The following SH3RF3 variants were observed in gnomAD, a reference collection of about 807,000 sequenced individuals.
The protein encoded by SH3RF3 is SH3 domain containing ring finger 3, also known as E3 ubiquitin-protein ligase SH3RF3.
SH3RF3 carries 29 observed loss-of-function variants against 66.3 expected under a neutral mutation model. That is an observed-to-expected ratio of 0.44 (90% CI 0.33 to 0.60). The LOEUF is 0.60. SH3RF3 is among the 20% of genes least tolerant of loss of function. The pLI, the probability that SH3RF3 is intolerant of heterozygous loss-of-function variation, is 0.04. For synonymous variants in SH3RF3, 583 were observed against 532.0 expected, an observed-to-expected ratio of 1.10 and a Z score of -1.32; for missense variants, 1,194 against 1,190.9, an observed-to-expected ratio of 1.00 and a Z score of -0.04.
In SH3RF3 at chr2:109,129,927, C is replaced by G. The variant is rs1355644941; in HGVS notation, c.387C>G (p.Thr129=). 1.3e-6 allele frequency: 2 copies of G among 1,490,898 alleles called. No individual in the cohort carries two copies. The highest frequency in any genetic ancestry group is 2.5e-5 in the South Asian group (2 of 78,816). The allele number at this position is 1,490,898 out of a possible 1,614,324, so 92.4% of individuals were successfully genotyped here. The change falls in exon 1 of 10, where the codon ACC becomes ACG. Residue 129 remains threonine, a synonymous_variant. Transcript: ENST00000309415. ...TCCGTCAGCGGCCCCGCGCGGGCACCAGCCCCGGCGGCAGCCCGCCCGCGC... is the reference window on the plus strand; with the variant it reads ...TCCGTCAGCGGCCCCGCGCGGGCACGAGCCCCGGCGGCAGCCCGCCCGCGC... ...DGIRQRPRAG[T]SPGGSPPARP... is the part of the protein sequence containing the mutation.
intron 1 of SH3RF3, among the ~76,000 whole-genome samples, chr2:109,225,816 A>T (rs985846826): frequency 2.9e-4 from 44 of 152,236 alleles, no homozygotes; most frequent in African/African-American, 8.9e-4. Context: ...CCCGGGCTGC[A>T]CTGCAGAAGT....
At chr2:109,356,322 T>C (rs1454078875) in intron 2 of SH3RF3, among the ~76,000 whole-genome samples, 2 of 152,112 alleles carry the variant, frequency 1.3e-5, no homozygotes, top group Admixed American at 6.5e-5. Context: ...CACATTGATA[T>C]TTGAGCCAGA....
chr2:109,293,168 C>T (rs529630506), intron 1 of SH3RF3, among the ~76,000 whole-genome samples: 124 of 152,352 alleles, frequency 8.1e-4, no homozygotes, highest in Middle Eastern at 3.4e-3. Flanking sequence ...CAGGCAGTGC[C>T]CTGGGCCTCC....
chr2:109,446,428 C>T (rs1677707114), intron 7 of SH3RF3, among the ~76,000 whole-genome samples: 1 of 152,206 alleles, frequency 6.6e-6, no homozygotes, highest in South Asian at 2.1e-4. Flanking sequence ...AATAATCAGC[C>T]TCCAGCGAAC....
intron 8 of SH3RF3, among the ~76,000 whole-genome samples, chr2:109,482,569 C>T (rs1678862593): frequency 6.6e-6 from 1 of 152,188 alleles, no homozygotes; most frequent in South Asian, 2.1e-4. Context: ...ACTCCCGCGC[C>T]CAGCCCGGGG....
At chr2:109,388,252 T>C (rs965653712) in intron 3 of SH3RF3, among the ~76,000 whole-genome samples, 2 of 152,242 alleles carry the variant, frequency 1.3e-5, no homozygotes, top group Non-Finnish European at 2.9e-5. Flanking sequence ...CAGCCAAGCC[T>C]TTCTCTAGTA....
intron 1 of SH3RF3, among the ~76,000 whole-genome samples, chr2:109,162,877 A>AT (rs1428578442): frequency 4.0e-5 from 2 of 50,140 alleles, no homozygotes; most frequent in Non-Finnish European, 9.1e-5. Context: ...AGAGATGATT[A>AT]CCAAAAAAAC....
At chr2:109,403,136 A>G (rs904218836) in intron 4 of SH3RF3, among the ~76,000 whole-genome samples, 1 of 152,196 alleles carries the variant, frequency 6.6e-6, no homozygotes, top group Non-Finnish European at 1.5e-5. Flanking sequence ...TTTCTATAGA[A>G]ATGCGTCTGA....
At chr2:109,353,619 C>T (rs967762638) in intron 2 of SH3RF3, among the ~76,000 whole-genome samples, 1 of 152,160 alleles carries the variant, frequency 6.6e-6, no homozygotes, top group East Asian at 1.9e-4. Context: ...GGTGAGAGTG[C>T]CTCTGTCTCC....
intron 1 of SH3RF3, among the ~76,000 whole-genome samples, chr2:109,169,935 A>G (rs995473464): frequency 6.6e-6 from 1 of 152,174 alleles, no homozygotes; most frequent in African/African-American, 2.4e-5. Flanking sequence ...GAAGTATATG[A>G]GTTTTAAATC....
At chr2:109,195,951 G>A (rs1678489302) in intron 1 of SH3RF3, among the ~76,000 whole-genome samples, 2 of 152,186 alleles carry the variant, frequency 1.3e-5, no homozygotes, top group South Asian at 2.1e-4. Flanking sequence ...AGCGAGAAGG[G>A]CCAGGTACCT....
chr2:109,410,086 C>T lies in SH3RF3; in HGVS notation c.1300-9453C>T, dbSNP rs573069862. ...GCAGGGAACTAATACGGCCTGGTTCCCAGCCACTGCTTAGGGGCCCCATTA... is the reference window on the plus strand; with the variant it reads ...GCAGGGAACTAATACGGCCTGGTTCTCAGCCACTGCTTAGGGGCCCCATTA... On this transcript the variant is annotated intron_variant, in intron 4 of 9. Transcript: ENST00000309415. Among the ~76,000 whole-genome samples, 21 of 152,320 alleles carry T rather than the reference C, an allele frequency of 1.4e-4. No individual in the cohort carries two copies. In the South Asian group the frequency reaches 1.7e-3, roughly 12 times the overall value.
At chr2:109,427,093 C>T (rs1369356952) in intron 5 of SH3RF3, among the ~76,000 whole-genome samples, 1 of 152,094 alleles carries the variant, frequency 6.6e-6, no homozygotes, top group African/African-American at 2.4e-5. Context: ...CCTAGCCTCC[C>T]TAGTAGCTGG....
intron 1 of SH3RF3, among the ~76,000 whole-genome samples, chr2:109,332,009 T>C (rs4676078): frequency 0.5 from 76,411 of 152,062 alleles, 20,998 homozygotes; most frequent in Non-Finnish European, 0.62. Flanking sequence ...CGGCTGAGCC[T>C]GGGAGCAGCG....
Position 109,348,718 on chromosome 2 carries a change from CT to C in SH3RF3, c.849+770del, listed in dbSNP as rs534399351. On this transcript the variant is annotated intron_variant, in intron 2 of 9. Coordinates refer to ENST00000309415, the MANE Select transcript of SH3RF3 (RefSeq NM_001099289.3). Reference sequence around the variant, plus strand: ...TGAGAGGCTTTGTAACTTATCCAGGCTGCTTGCTGGGTCCTCTCTCCCTCCT... The same window carrying C: ...TGAGAGGCTTTGTAACTTATCCAGGCGCTTGCTGGGTCCTCTCTCCCTCCT... Among the ~76,000 whole-genome samples, 8 of 152,248 alleles carry C rather than the reference CT, an allele frequency of 5.3e-5. No homozygotes were observed. In the East Asian group the frequency reaches 1.2e-3, roughly 22 times the overall value.
intron 3 of SH3RF3, among the ~76,000 whole-genome samples, chr2:109,389,903 G>A (rs1051968379): frequency 6.6e-6 from 1 of 152,154 alleles, no homozygotes; most frequent in African/African-American, 2.4e-5. Context: ...TCTTTGGGTG[G>A]AGCGGCCATC....
At chr2:109,457,129 C>G (rs977467754) in intron 8 of SH3RF3, among the ~76,000 whole-genome samples, 1 of 152,216 alleles carries the variant, frequency 6.6e-6, no homozygotes, top group Non-Finnish European at 1.5e-5. Flanking sequence ...TAGCACCTAC[C>G]ACCCTGAGTT....
At chr2:109,421,956 T>C (rs1676894767) in intron 5 of SH3RF3, among the ~76,000 whole-genome samples, 2 of 152,212 alleles carry the variant, frequency 1.3e-5, no homozygotes. Flanking sequence ...TCCTTTATTT[T>C]ATCCCCAGAG....
intron 1 of SH3RF3, among the ~76,000 whole-genome samples, chr2:109,213,057 C>T (rs1348743609): frequency 6.6e-6 from 1 of 152,200 alleles, no homozygotes; most frequent in East Asian, 1.9e-4. Flanking sequence ...AGGATGCAGT[C>T]CTGGGAAGGC....
Sources: allele counts gnomAD v4.1 joint callset (sites outside exome capture counted in the v4.1 genomes callset), GRCh38; gene constraint gnomAD v4.1.1; transcripts MANE v1.5; gene names NCBI Gene and HGNC (gene_info 2026-07-23, HGNC 2026-07-21).